The following HOOK3 variants were observed in gnomAD, a reference collection of about 807,000 sequenced individuals.
The protein encoded by HOOK3 is protein Hook homolog 3.
In HOOK3, 24 loss-of-function variants were observed where a neutral mutation model predicts 116.3. That is an observed-to-expected ratio of 0.21 (90% confidence interval 0.15 to 0.29). The LOEUF (loss-of-function observed/expected upper bound fraction) is 0.29. HOOK3 is among the 10% of genes least tolerant of loss of function. HOOK3 has a pLI of 1.00. For missense variants in HOOK3, 632 were observed against 830.2 expected (o/e 0.76, Z 2.93); for synonymous variants, 275 against 283.0 (o/e 0.97, Z 0.28).
rs1488236219 is a variant in HOOK3, at chr8:42,922,354, C to T, written c.144-3203C>T. Among the ~76,000 whole-genome samples, 3 of 151,006 alleles carry T rather than the reference C, an allele frequency of 2.0e-5. No homozygotes were observed. The East Asian group carries it at 5.8e-4, about 29-fold the overall frequency. On this transcript the variant is annotated intron_variant, in intron 2 of 21. Coordinates refer to ENST00000307602, the MANE Select transcript of HOOK3 (RefSeq NM_032410.4). ...GCCAGGAGTTTGAGACCAGCCTGAG[C>T]AACATGGTGAGACTCCATCTCTACC... is the stretch of plus-strand genomic sequence containing the variant.
At chr8:42,933,557 A>G (rs1465537695) in intron 4 of HOOK3, among the ~76,000 whole-genome samples, 2 of 152,198 alleles carry the variant, frequency 1.3e-5, no homozygotes, top group Non-Finnish European at 2.9e-5. Context: ...TCCTTCTGGG[A>G]ATTCCTTTGT....
At position 42,943,382 on chromosome 8, in the gene HOOK3, G is replaced by C; in HGVS notation, c.337G>C (p.Ala113Pro). Residue 113 changes from alanine to proline, a missense_variant, in exon 5 of 22, where the codon GCA (alanine) becomes CCA (proline). Transcript: ENST00000307602. ...CCTTATTGGGGAGCATTCTGATGCAGCAGAGCTTGGAAGGATGCTTCAGCT... is the reference window on the plus strand; with the variant it reads ...CCTTATTGGGGAGCATTCTGATGCACCAGAGCTTGGAAGGATGCTTCAGCT... The part of the protein sequence containing the change: ...VNLIGEHSDA[A>P]ELGRMLQLIL... 6.4e-7 allele frequency: 1 copy of C among 1,569,270 alleles called. No homozygotes were observed. Among genetic ancestry groups the C allele is most frequent in the Middle Eastern group, 1.7e-4 (1 of 5,934 alleles).
intron 21 of HOOK3, among the ~76,000 whole-genome samples, chr8:43,015,558 T>C (rs1272303052): frequency 6.6e-6 from 1 of 152,072 alleles, no homozygotes; most frequent in Non-Finnish European, 1.5e-5. Context: ...TTCTTGAAAA[T>C]TAAAATTCAA....
At position 42,973,418 on chromosome 8, in the gene HOOK3, C is replaced by T; in HGVS notation, c.1233+19C>T. The T allele has an allele frequency of 1.3e-6, 2 of 1,559,248 alleles. No homozygotes were observed. Among genetic ancestry groups the T allele is most frequent in the South Asian group, 2.4e-5 (2 of 83,262 alleles). ...AAAGGACGTGAGTATATATATTAGG[C>T]ATTTTGGTTTTGAGCACTGCTAAAA... On this transcript the variant is annotated intron_variant, in intron 12 of 21. Transcript: ENST00000307602.
rs1348329841 is a variant in HOOK3, at chr8:42,913,115, C to T, written c.143+6857C>T. On this transcript the variant is annotated intron_variant, in intron 2 of 21. Coordinates refer to ENST00000307602, the MANE Select transcript of HOOK3 (RefSeq NM_032410.4). Reference sequence around the variant, plus strand: ...TTTTAGAGCTTCCCACTTTTTTTTTCAGCTTTATTGAGATGAAAGTGACAT... The same window carrying T: ...TTTTAGAGCTTCCCACTTTTTTTTTTAGCTTTATTGAGATGAAAGTGACAT... Among the ~76,000 whole-genome samples the T allele has an allele frequency of 2.0e-5, 3 of 150,324 alleles. No individual in the cohort carries two copies. In the South Asian group the frequency reaches 6.3e-4, roughly 31 times the overall value.
At chr8:42,964,168 C>T (rs1378024855) in intron 8 of HOOK3, 143 bp from the exon 9 acceptor site, 2 of 744,890 alleles carry the variant, frequency 2.7e-6, no homozygotes, top group Non-Finnish European at 4.3e-6. Flanking sequence ...GATTGCGCCA[C>T]TGCACTCCAG....
chr8:42,938,186 G>C (rs1157809152), intron 4 of HOOK3, among the ~76,000 whole-genome samples: 1 of 145,222 alleles, frequency 6.9e-6, no homozygotes, highest in African/African-American at 2.6e-5. Context: ...TTTATAGTCT[G>C]TTTTATCAGA....
At chr8:42,927,314 T>A (rs1034846898) in intron 3 of HOOK3, among the ~76,000 whole-genome samples, 13 of 148,872 alleles carry the variant, frequency 8.7e-5, no homozygotes, top group Admixed American at 6.8e-4. Flanking sequence ...TGTAGTGCAG[T>A]GGTGCAATCT....
chr8:43,003,035 A>G (rs2130474921), intron 17 of HOOK3, among the ~76,000 whole-genome samples: 1 of 152,134 alleles, frequency 6.6e-6, no homozygotes, highest in South Asian at 2.1e-4. Flanking sequence ...CATATTAGAG[A>G]TGTTTCATAA....
At chr8:42,989,676 C>A (rs867212430) in intron 15 of HOOK3, among the ~76,000 whole-genome samples, 1 of 151,976 alleles carries the variant, frequency 6.6e-6, no homozygotes, top group Non-Finnish European at 1.5e-5. Flanking sequence ...CACTTTGTTG[C>A]GCTAGGAAAT....
At position 42,943,076 on chromosome 8, in the gene HOOK3, G is replaced by GTTTTGTTTTTTTCTT. The variant is rs371397556; in HGVS notation, c.268-225_268-224insCTTTTTTGTTTTTTT. 3.8e-3 allele frequency among the ~76,000 whole-genome samples: 570 copies of GTTTTGTTTTTTTCTT among 151,932 alleles called. 3 individuals are homozygous for GTTTTGTTTTTTTCTT. Among genetic ancestry groups the GTTTTGTTTTTTTCTT allele is most frequent in the Middle Eastern group, 0.01 (3 of 294 alleles). On this transcript the variant is annotated intron_variant, in intron 4 of 21. Transcript: ENST00000307602. The stretch of plus-strand genomic sequence containing the variant: ...GGGAGTACTCAGGGTTTTTTTGTTT[G>GTTTTGTTTTTTTCTT]TTTTGTTTTTTTTGCTCGATGTACA...
chr8:43,014,930 A>T lies in HOOK3; in HGVS notation c.2016+1530A>T, dbSNP rs974912044. On this transcript the variant is annotated intron_variant, in intron 21 of 21. Transcript: ENST00000307602. ...GAGTCTGAGGCAGGCAGATCACCTGAGGTCAGGAATTTGAGACCAGCCTGG... is the reference window on the plus strand; with the variant it reads ...GAGTCTGAGGCAGGCAGATCACCTGTGGTCAGGAATTTGAGACCAGCCTGG... Among the ~76,000 whole-genome samples, 11 of 152,046 alleles carry T rather than the reference A, an allele frequency of 7.2e-5. No homozygotes were observed. The South Asian group carries it at 2.3e-3, about 32-fold the overall frequency.
At chr8:42,911,305 G>A (rs1807424351) in intron 2 of HOOK3, among the ~76,000 whole-genome samples, 1 of 152,170 alleles carries the variant, frequency 6.6e-6, no homozygotes, top group South Asian at 2.1e-4. Context: ...ACAAAAATTA[G>A]CCAGGCATGG....
chr8:43,016,267 G>A (rs911862287), intron 21 of HOOK3, among the ~76,000 whole-genome samples: 5 of 151,762 alleles, frequency 3.3e-5, no homozygotes, highest in Non-Finnish European at 5.9e-5. Context: ...ACAGGCGCCC[G>A]ACACCACGCC....
intron 15 of HOOK3, among the ~76,000 whole-genome samples, chr8:42,987,619 T>G (rs1809072573): frequency 6.6e-6 from 1 of 152,222 alleles, no homozygotes; most frequent in Non-Finnish European, 1.5e-5. Flanking sequence ...AACAACTGAC[T>G]TATTTTGAGA....
intron 1 of HOOK3, among the ~76,000 whole-genome samples, chr8:42,899,674 G>C (rs1256243163): frequency 6.6e-6 from 1 of 152,134 alleles, no homozygotes; most frequent in Non-Finnish European, 1.5e-5. Flanking sequence ...TAGTTTTCTT[G>C]ATTTTATGTC....
chr8:42,998,038 A>G (rs1809313065), intron 16 of HOOK3: 1 of 239,880 alleles, frequency 4.2e-6, no homozygotes, highest in Non-Finnish European at 8.1e-6. Context: ...TGCCGTCCCT[A>G]GTATTGCATT....
intron 4 of HOOK3, among the ~76,000 whole-genome samples, chr8:42,936,582 G>T (rs188372223): frequency 1.2e-3 from 179 of 152,278 alleles, no homozygotes; most frequent in African/African-American, 4.2e-3. Context: ...CTAGTTTATT[G>T]AGAGTTTTTA....
chr8:42,899,782 A>C (rs1807146822), intron 1 of HOOK3, among the ~76,000 whole-genome samples: 1 of 152,248 alleles, frequency 6.6e-6, no homozygotes, highest in Admixed American at 6.5e-5. Flanking sequence ...TGTCAGTGAC[A>C]GACAAGATCT....
Sources: allele counts gnomAD v4.1 joint callset (sites outside exome capture counted in the v4.1 genomes callset), GRCh38; gene constraint gnomAD v4.1.1; transcripts MANE v1.5; gene names NCBI Gene and HGNC (gene_info 2026-07-23, HGNC 2026-07-21).